RANBP2: variants seen among roughly 807,000 people sequenced by gnomAD.
RANBP2 encodes the protein E3 SUMO-protein ligase RanBP2.
In RANBP2, 57 loss-of-function variants were observed where a neutral mutation model predicts 303.6. The ratio of observed to expected loss-of-function variants is 0.19; its 90% confidence interval spans 0.15 to 0.23. The LOEUF (loss-of-function observed/expected upper bound fraction) is 0.23. RANBP2 is among the 10% of genes least tolerant of loss of function. The probability of loss-of-function intolerance (pLI) is 1.00; values close to 1 mark genes in which losing one functional copy is unlikely to be tolerated. For missense variants in RANBP2, 3,138 were observed against 3,780.8 expected (o/e 0.83, Z 4.46); for synonymous variants, 1,167 against 1,301.5 (o/e 0.90, Z 2.23).
chr2:108,934,547 G>A, the RANBP2 span, among the ~76,000 whole-genome samples: 10 of 152,166 alleles, frequency 6.6e-5, no homozygotes, highest in African/African-American at 1.9e-4. Context: ...AGAATACCAC[G>A]GACTGGCTAA....
chr2:109,438,165 A>G, the RANBP2 span, among the ~76,000 whole-genome samples: 3,177 of 152,350 alleles, frequency 0.021, 44 homozygotes, highest in Middle Eastern at 0.058. Context: ...AGGTCAGCAG[A>G]GGCCATATTT....
the RANBP2 span, among the ~76,000 whole-genome samples, chr2:109,008,605 A>C: frequency 6.6e-6 from 1 of 151,814 alleles, no homozygotes; most frequent in Admixed American, 6.6e-5. Context: ...AAAAAAAAAA[A>C]AAAAATCCAT....
At chr2:109,702,966 T>A in the RANBP2 span, among the ~76,000 whole-genome samples, 1 of 152,054 alleles carries the variant, frequency 6.6e-6, no homozygotes, top group South Asian at 2.1e-4. Context: ...CCTAACCTCA[T>A]AATAGCATGA....
chr2:109,030,258 C>A, the RANBP2 span, among the ~76,000 whole-genome samples: 1 of 152,308 alleles, frequency 6.6e-6, no homozygotes, highest in South Asian at 2.1e-4. Flanking sequence ...AGGCCATGCG[C>A]TCAAGTGCTT....
the RANBP2 span, among the ~76,000 whole-genome samples, chr2:109,315,705 C>G: frequency 6.6e-6 from 1 of 152,210 alleles, no homozygotes; most frequent in Admixed American, 6.5e-5. Context: ...GGCTTTCCCA[C>G]CCAGGGTTCC....
chr2:109,119,733 T>G, the RANBP2 span, among the ~76,000 whole-genome samples: 2 of 152,228 alleles, frequency 1.3e-5, no homozygotes, highest in Non-Finnish European at 2.9e-5. Flanking sequence ...ATAATTCTTT[T>G]GAAGACTGCA....
chr2:109,261,895 G>A, the RANBP2 span, among the ~76,000 whole-genome samples: 4 of 151,964 alleles, frequency 2.6e-5, no homozygotes, highest in African/African-American at 2.4e-5. Context: ...CTGCTGATAC[G>A]AGACATGTTG....
chr2:109,227,397 A>G, the RANBP2 span, among the ~76,000 whole-genome samples: 3 of 152,158 alleles, frequency 2.0e-5, no homozygotes, highest in Non-Finnish European at 4.4e-5. Flanking sequence ...CATTTCTGTA[A>G]CCAGCTGTTC....
At chr2:109,409,978 C>T in the RANBP2 span, among the ~76,000 whole-genome samples, 41 of 152,110 alleles carry the variant, frequency 2.7e-4, no homozygotes, top group Non-Finnish European at 5.1e-4. Flanking sequence ...TTCATCTGTT[C>T]CATAGTGTCA....
At chr2:109,003,060 G>A in the RANBP2 span, among the ~76,000 whole-genome samples, 1 of 151,944 alleles carries the variant, frequency 6.6e-6, no homozygotes, top group Non-Finnish European at 1.5e-5. Flanking sequence ...ACAAAAATTA[G>A]CTGGGCATGG....
At chr2:109,135,990 ATCC>A in the RANBP2 span, among the ~76,000 whole-genome samples, 1 of 152,196 alleles carries the variant, frequency 6.6e-6, no homozygotes, top group African/African-American at 2.4e-5. Flanking sequence ...CACCTCCGTC[ATCC>A]GTAGGACACA....
chr2:108,763,565 C>T lies in RANBP2; in HGVS notation c.3026C>T (p.Pro1009Leu), dbSNP rs1179057042. The T allele has an allele frequency of 1.2e-6, 2 of 1,614,044 alleles. No individual in the cohort carries two copies. Among genetic ancestry groups the T allele is most frequent in the South Asian group, 2.2e-5 (2 of 91,082 alleles). ...IEFGKTNFVQ[P>L]MPGEGLRPSL... ...TTTGGGAAAACTAATTTTGTTCAGC[C>T]CATGCCGGGTGAAGGATTAAGGCCA... Residue 1009 changes from proline (P) to leucine (L), a missense_variant, in exon 20 of 29, where the codon CCC becomes CTC. By Grantham distance (98) the Pro-to-Leu change is moderately conservative (BLOSUM62 -3). Around this residue, in one of 20 missense-constraint regions of RANBP2, gnomAD observed 403 missense variants for 376.7 expected, o/e 1.07. Coordinates refer to ENST00000283195, the MANE Select transcript of RANBP2 (RefSeq NM_006267.5).
chr2:109,691,842 G>A, the RANBP2 span, among the ~76,000 whole-genome samples: 8 of 152,098 alleles, frequency 5.3e-5, no homozygotes, highest in Admixed American at 3.9e-4. Context: ...GAGCGCAGTG[G>A]CACGATCTCG....
intron 18 of RANBP2, among the ~76,000 whole-genome samples, chr2:108,760,350 T>TA (rs1370761218): frequency 2.6e-5 from 4 of 152,030 alleles, no homozygotes; most frequent in Non-Finnish European, 5.9e-5. Context: ...TTTTAAATGT[T>TA]ACTTTAGTTC....
At chr2:109,602,728 A>G in the RANBP2 span, among the ~76,000 whole-genome samples, 3 of 151,838 alleles carry the variant, frequency 2.0e-5, no homozygotes, top group African/African-American at 7.3e-5. Context: ...ATTCCTTCAA[A>G]AGAGAGCATG....
At chr2:109,303,396 T>C in the RANBP2 span, among the ~76,000 whole-genome samples, 1 of 152,256 alleles carries the variant, frequency 6.6e-6, no homozygotes, top group African/African-American at 2.4e-5. Flanking sequence ...CAGACTTTTC[T>C]CCTTCGCTCA....
chr2:109,200,027 C>T, the RANBP2 span, among the ~76,000 whole-genome samples: 1 of 151,986 alleles, frequency 6.6e-6, no homozygotes, highest in African/African-American at 2.4e-5. Flanking sequence ...TGCTGTGATG[C>T]ATGGGACAGC....
the RANBP2 span, chr2:108,912,815 A>T: frequency 4.8e-6 from 7 of 1,454,194 alleles, no homozygotes; most frequent in South Asian, 8.5e-5. Context: ...TCCACCTTCA[A>T]AGACGCTGCC....
At chr2:109,524,351 T>C in the RANBP2 span, among the ~76,000 whole-genome samples, 1 of 149,414 alleles carries the variant, frequency 6.7e-6, no homozygotes, top group East Asian at 2.0e-4. Context: ...AATGAGATCA[T>C]GTGTGTGAAA....
Sources: allele counts gnomAD v4.1 joint callset (sites outside exome capture counted in the v4.1 genomes callset), GRCh38; gene constraint gnomAD v4.1.1; regional missense constraint gnomAD v4.1.1; transcripts MANE v1.5; gene names NCBI Gene and HGNC (gene_info 2026-07-23, HGNC 2026-07-21).